SENP6: variants seen among roughly 807,000 people sequenced by gnomAD.
SENP6 encodes sentrin-specific protease 6.
A neutral mutation model predicts 134.5 loss-of-function variants in SENP6; 41 were observed. That is an observed-to-expected ratio of 0.30 (90% CI 0.24 to 0.40). The LOEUF is 0.40. Among genes scored for constraint, SENP6 ranks in the 10% least tolerant of loss-of-function variants. The probability of loss-of-function intolerance (pLI) is 1.00; values close to 1 mark genes in which losing one functional copy is unlikely to be tolerated. For synonymous variants in SENP6, 395 were observed against 429.8 expected, an observed-to-expected ratio of 0.92 and a Z score of 1.00; for missense variants, 1,248 against 1,312.5, an observed-to-expected ratio of 0.95 and a Z score of 0.76.
chr6:75,659,910 A>G (rs1771643946), intron 8 of SENP6, among the ~76,000 whole-genome samples: 2 of 152,180 alleles, frequency 1.3e-5, no homozygotes, highest in Admixed American at 1.3e-4. Flanking sequence ...GGTTTTTTAT[A>G]ATCAGAATAC....
chr6:75,678,943 A>G lies in SENP6; in HGVS notation c.2075+16A>G, dbSNP rs779743040. 2 of 1,139,894 alleles carry G rather than the reference A, an allele frequency of 1.8e-6. No homozygotes were observed. The highest frequency in any genetic ancestry group is 2.8e-4 in the Middle Eastern group (1 of 3,544). 70.6% of individuals were successfully genotyped at this position (1,139,894 alleles called of 1,614,324 possible). The stretch of plus-strand genomic sequence containing the variant: ...TTTATTTGAAGTAAGTTAATTTTCC[A>G]CTGATCTTTTATTAAATCTTTAACA... On this transcript the variant is annotated intron_variant, in intron 16 of 23. Transcript: ENST00000447266.
At chr6:75,652,360 G>A (rs1015051168) in intron 7 of SENP6, among the ~76,000 whole-genome samples, 15 of 151,564 alleles carry the variant, frequency 9.9e-5, no homozygotes, top group African/African-American at 3.1e-4. Context: ...AAATAAATGT[G>A]CAGTGGCCCA....
chr6:75,686,248 G>A (rs912730164), intron 16 of SENP6, among the ~76,000 whole-genome samples: 3 of 151,774 alleles, frequency 2.0e-5, no homozygotes, highest in Non-Finnish European at 4.4e-5. Context: ...CATTTGCTTG[G>A]TAGATCTTCC....
At chr6:75,697,161 G>C (rs1157896621) in intron 17 of SENP6, among the ~76,000 whole-genome samples, 2 of 152,166 alleles carry the variant, frequency 1.3e-5, no homozygotes, top group Non-Finnish European at 2.9e-5. Flanking sequence ...GTAAAGAGAA[G>C]TCTAGGCAAG....
chr6:75,626,426 T>C (rs967196801), intron 3 of SENP6, among the ~76,000 whole-genome samples: 1 of 152,100 alleles, frequency 6.6e-6, no homozygotes. Flanking sequence ...TACTTGACAG[T>C]ATGTTATGTA....
intron 3 of SENP6, among the ~76,000 whole-genome samples, chr6:75,627,687 T>C (rs1768801573): frequency 6.6e-6 from 1 of 151,386 alleles, no homozygotes; most frequent in South Asian, 2.1e-4. Flanking sequence ...TTCAGATTGC[T>C]TTTTTTTTGA....
At position 75,686,318 on chromosome 6, in the gene SENP6, C is replaced by G. The variant is rs562644804; in HGVS notation, c.2075+7391C>G. On this transcript the variant is annotated intron_variant, in intron 16 of 23. Transcript: ENST00000447266. Reference sequence around the variant, plus strand: ...GCATGTGAGATGGGTTTCCTGAATACAGCACACTGATGGGTCTTGACTCTT... The same window carrying G: ...GCATGTGAGATGGGTTTCCTGAATAGAGCACACTGATGGGTCTTGACTCTT... Among the ~76,000 whole-genome samples, 6 of 152,264 alleles carry G rather than the reference C, an allele frequency of 3.9e-5. No homozygotes were observed. In the South Asian group the frequency reaches 1.2e-3, roughly 32 times the overall value.
intron 5 of SENP6, among the ~76,000 whole-genome samples, chr6:75,638,046 G>A (rs189461668): frequency 3.9e-5 from 6 of 152,018 alleles, no homozygotes; most frequent in African/African-American, 1.4e-4. Flanking sequence ...GTTTTTAGTA[G>A]AGATGCGGTG....
chr6:75,713,489 CT>C (rs763361697), intron 21 of SENP6, 23 bp from the exon 22 acceptor site: 7 of 1,591,296 alleles, frequency 4.4e-6, no homozygotes, highest in African/African-American at 1.3e-5. Flanking sequence ...AAGTATTCGA[CT>C]TTTGGTCATT....
At chr6:75,644,336 A>G (rs1406166673) in intron 6 of SENP6, among the ~76,000 whole-genome samples, 1 of 152,188 alleles carries the variant, frequency 6.6e-6, no homozygotes, top group Non-Finnish European at 1.5e-5. Context: ...TCTATGAAAT[A>G]CCTGACGAGT....
chr6:75,619,505 A>G (rs1240427510), intron 1 of SENP6, among the ~76,000 whole-genome samples: 1 of 151,206 alleles, frequency 6.6e-6, no homozygotes, highest in African/African-American at 2.4e-5. Flanking sequence ...TATTTTGTTT[A>G]TTAATCTGTT....
intron 16 of SENP6, among the ~76,000 whole-genome samples, chr6:75,694,314 T>C (rs3969287): frequency 0.31 from 46,973 of 152,146 alleles, 7,906 homozygotes; most frequent in African/African-American, 0.45. Flanking sequence ...TGTTACCACC[T>C]CACCACTGTA....
Position 75,623,949 on chromosome 6 carries a change from A to C in SENP6, c.196A>C (p.Lys66Gln). 6.2e-7 allele frequency: 1 copy of C among 1,608,850 alleles called. No individual in the cohort carries two copies. Among genetic ancestry groups the C allele is most frequent in the Non-Finnish European group, 8.5e-7 (1 of 1,176,838 alleles). ...TGAAGATGAGGATTCTGAAACCTCA[A>C]AAGGAAAAAAGGCAAGTGTTGCTTA... ...VDEDEDSETSKGKKLNRRSEI... is the reference protein window; with the variant it reads ...VDEDEDSETSQGKKLNRRSEI... The change falls in exon 3 of 24, where the codon AAA becomes CAA. Residue 66 changes from lysine (K) to glutamine (Q), a missense_variant. Physicochemically the swap from Lys to Gln is moderately conservative, Grantham distance 53 (BLOSUM62 1). This residue lies in a region of SENP6 where 733 missense variants were observed against 725.4 expected (regional missense o/e 1.01). Transcript: ENST00000447266.
rs1476756991 is a variant in SENP6 at position 75,716,771 on chromosome 6, C to T, written c.*1177C>T. 1 of 151,836 alleles carries T rather than the reference C, an allele frequency of 6.6e-6. No homozygotes were observed. The highest frequency in any genetic ancestry group is 1.5e-5 in the Non-Finnish European group (1 of 67,820). 9.4% of individuals were successfully genotyped at this position (151,836 alleles called of 1,614,324 possible). The stretch of plus-strand genomic sequence containing the variant: ...TTTGAGACTTGAAACATATTTTAGT[C>T]ATTTTTTGTTAAATATTGAATTTTT... On this transcript the variant is annotated 3_prime_UTR_variant, in exon 24 of 24. Transcript: ENST00000447266.
intron 1 of SENP6, among the ~76,000 whole-genome samples, chr6:75,614,977 A>G (rs1582667771): frequency 1.3e-5 from 2 of 151,696 alleles, no homozygotes; most frequent in East Asian, 3.9e-4. Context: ...TGCAATTTCC[A>G]GCTCCTGGGT....
At chr6:75,650,420 T>G (rs541143585) in intron 7 of SENP6, among the ~76,000 whole-genome samples, 5 of 152,358 alleles carry the variant, frequency 3.3e-5, no homozygotes, top group South Asian at 2.1e-4. Flanking sequence ...ACCCACTGAT[T>G]TTAGCATCCA....
intron 19 of SENP6, among the ~76,000 whole-genome samples, chr6:75,709,021 ATTAC>A (rs1365057221): frequency 1.3e-5 from 2 of 152,214 alleles, no homozygotes; most frequent in African/African-American, 2.4e-5. Context: ...AAACAGACCT[ATTAC>A]TTACTTGTAG....
rs1429745400 is a variant in SENP6, at chr6:75,705,924, CCTTTTTTTTTTTTTTTTTTT to C, written c.2716+2853_2716+2872del. On this transcript the variant is annotated intron_variant, in intron 19 of 23. Transcript: ENST00000447266. ...AGTGAGTTAGAAAGCTATTTTTGAGCCTTTTTTTTTTTTTTTTTTTTTTTTTTTTTGAGATGGAGTCTCTC... is the reference window on the plus strand; with the variant it reads ...AGTGAGTTAGAAAGCTATTTTTGAGCTTTTTTTTTTGAGATGGAGTCTCTC... 5.6e-5 allele frequency among the ~76,000 whole-genome samples: 5 copies of C among 89,280 alleles called. No individual in the cohort carries two copies. In the Admixed American group the frequency reaches 6.5e-4, roughly 12 times the overall value. 58.6% of individuals were successfully genotyped at this position (89,280 alleles called of 152,430 possible).
chr6:75,633,773 G>A (rs1267885120), intron 4 of SENP6, 47 bp downstream of exon 4: 1 of 1,523,340 alleles, frequency 6.6e-7, no homozygotes, highest in Admixed American at 2.2e-5. Flanking sequence ...TAAAGGAAGA[G>A]TTTGACACCA....
Sources: gnomAD v4.1 joint callset for allele counts (sites outside exome capture counted in the v4.1 genomes callset) on GRCh38, gnomAD v4.1.1 for gene constraint, gnomAD v4.1.1 regional missense constraint, MANE v1.5 for transcripts, NCBI Gene and HGNC (gene_info 2026-07-23, HGNC 2026-07-21) for gene names.